The following LPL variants were observed in gnomAD, a reference collection of about 807,000 sequenced individuals.
The protein encoded by LPL is phospholipase A1.
Under a neutral mutation model 52.2 loss-of-function variants are expected in LPL, and 43 were observed. The ratio of observed to expected loss-of-function variants is 0.82; its 90% confidence interval spans 0.64 to 1.06. The LOEUF is 1.06. Ranked by LOEUF, LPL falls within the 50% of genes least tolerant of loss-of-function variation. The pLI is 0.00. For synonymous variants in LPL, 244 were observed against 215.6 expected (o/e 1.13, Z -1.15); for missense variants, 639 against 585.3 (o/e 1.09, Z -0.95).
chr8:19,948,085 C>T, intron 1 of LPL, 95 bp from the exon 2 acceptor site: 1 of 1,293,652 alleles, frequency 7.7e-7, no homozygotes. Context: ...AAAATAGCAT[C>T]AGCGGTGGTT....
chr8:19,954,043 A>G (rs2069960474), intron 4 of LPL, 77 bp from the exon 5 acceptor site: 2 of 992,098 alleles, frequency 2.0e-6, no homozygotes, highest in Admixed American at 1.7e-5. Context: ...AGTGCATTCA[A>G]ATGATGAGCA....
Position 19,961,632 on chromosome 8 carries a change from C to CT in LPL, c.1323-482dup, listed in dbSNP as rs1278551644. Among the ~76,000 whole-genome samples, 4 of 151,874 alleles carry CT rather than the reference C, an allele frequency of 2.6e-5. No individual in the cohort carries two copies. In the South Asian group the frequency reaches 6.2e-4, roughly 24 times the overall value. On this transcript the variant is annotated intron_variant, in intron 8 of 9. Coordinates refer to ENST00000650287, the MANE Select transcript of LPL (RefSeq NM_000237.3). ...CTGTTATTGTTAATTTAAAAAAACT[C>CT]TAAGTTAGGATTGACAAATTATTTC...
chr8:19,943,628 T>C (rs2069859231), intron 1 of LPL, among the ~76,000 whole-genome samples: 1 of 152,206 alleles, frequency 6.6e-6, no homozygotes, highest in African/African-American at 2.4e-5. Context: ...TAAAAAATCT[T>C]GACTGAAATA....
At chr8:19,956,687 C>T (rs1026105065) in intron 6 of LPL, among the ~76,000 whole-genome samples, 1 of 152,154 alleles carries the variant, frequency 6.6e-6, no homozygotes, top group African/African-American at 2.4e-5. Context: ...CAGCCACACA[C>T]ATTCATTACC....
chr8:19,965,630 A>C lies in LPL; in HGVS notation c.*320A>C, dbSNP rs1288128070. On this transcript the variant is annotated 3_prime_UTR_variant, in exon 10 of 10. Transcript: ENST00000650287. ...GCGCAGAGTAAAATAAGGCTCCTTC[A>C]TGTGGCGTATTGGGCCATAGCCTAT... The C allele has an allele frequency of 3.2e-6, 1 of 317,052 alleles. No individual in the cohort carries two copies. Among genetic ancestry groups the C allele is most frequent in the Non-Finnish European group, 5.8e-6 (1 of 172,060 alleles). 19.6% of individuals were successfully genotyped at this position (317,052 alleles called of 1,614,324 possible). A position where few individuals can be genotyped will look rare whatever the true frequency, so the allele number is the denominator to read the frequency against.
intron 6 of LPL, among the ~76,000 whole-genome samples, chr8:19,957,196 GT>G (rs2069993226): frequency 6.6e-6 from 1 of 152,170 alleles, no homozygotes; most frequent in Non-Finnish European, 1.5e-5. Context: ...TTGGCCTCTT[GT>G]TTAGAGGCAG....
chr8:19,955,930 T>TACA lies in LPL; in HGVS notation c.866_868dup (p.Tyr289_Arg290insAsn). 1 of 1,614,178 alleles carries TACA rather than the reference T, an allele frequency of 6.2e-7. No homozygotes were observed. The highest frequency in any genetic ancestry group is 8.5e-7 in the Non-Finnish European group (1 of 1,180,034). On this transcript the variant is annotated inframe_insertion, in exon 6 of 10. Transcript: ENST00000650287. ...GAATGAAGAAAATCCAAGTAAGGCC[T>TACA]ACAGGTGCAGTTCCAAGGAAGCCTT...
chr8:19,946,353 T>C (rs887895818), intron 1 of LPL, among the ~76,000 whole-genome samples: 2 of 152,154 alleles, frequency 1.3e-5, no homozygotes, highest in African/African-American at 4.8e-5. Context: ...TGTGTGTGTA[T>C]GTGTGTGTGA....
intron 6 of LPL, among the ~76,000 whole-genome samples, chr8:19,957,515 C>G (rs282): frequency 0.1 from 15,201 of 152,178 alleles, 937 homozygotes; most frequent in Non-Finnish European, 0.14. Context: ...CTTGAAGACA[C>G]AGACAGGCTT....
At chr8:19,951,714 A>G (rs1046162298) in intron 2 of LPL, 55 bp from the exon 3 acceptor site, 95 of 1,591,910 alleles carry the variant, frequency 6.0e-5, no homozygotes, top group Middle Eastern at 1.7e-4. Flanking sequence ...GGGCTGATGT[A>G]TCTATGACAA....
rs1376148269 is a variant in LPL, at chr8:19,939,485, CCA to C, written c.46_47del (p.Gln16GlufsTer24). The C allele has an allele frequency of 7.4e-6, 12 of 1,611,046 alleles. No homozygotes were observed. Among genetic ancestry groups the C allele is most frequent in the Non-Finnish European group, 1.0e-5 (12 of 1,179,218 alleles). The stretch of plus-strand genomic sequence containing the variant: ...TCGTGCTGACTCTGGCCGTGTGGCT[CCA>C]GAGTCTGACCGCCTCCCGCGGAGGG... ...LLVLTLAVWL[Q>X]SLTASRGGVA... is the part of the protein sequence containing the mutation. On this transcript the variant is annotated frameshift_variant, in exon 1 of 10. Coordinates refer to ENST00000650287, the MANE Select transcript of LPL (RefSeq NM_000237.3). LOFTEE classifies it high-confidence loss of function. The surrounding 1 kb of genome is among the most constrained non-coding windows in gnomAD (Gnocchi z 4.0).
At chr8:19,960,612 GA>G (rs1394609514) in intron 7 of LPL, among the ~76,000 whole-genome samples, 4 of 152,164 alleles carry the variant, frequency 2.6e-5, no homozygotes, top group Non-Finnish European at 5.9e-5. Context: ...AATTGAAAAG[GA>G]ATACATGAAA....
intron 1 of LPL, among the ~76,000 whole-genome samples, chr8:19,941,049 C>A (rs1479224542): frequency 6.6e-6 from 1 of 152,126 alleles, no homozygotes; most frequent in African/African-American, 2.4e-5. Context: ...CTGTGATTGC[C>A]CCACTGCACT....
chr8:19,964,538 T>C (rs1036551015), intron 9 of LPL, among the ~76,000 whole-genome samples: 5 of 152,196 alleles, frequency 3.3e-5, no homozygotes, highest in African/African-American at 9.7e-5. Context: ...TTTTTTACTT[T>C]TATTTATTTT....
rs1440066136 is a variant in LPL, at chr8:19,962,050, G to A, written c.1323-65G>A. The A allele has an allele frequency of 6.5e-6, 7 of 1,070,158 alleles. No individual in the cohort carries two copies. The African/African-American group carries it at 1.1e-4, about 17-fold the overall frequency. The allele number at this position is 1,070,158 out of a possible 1,614,324, so 66.3% of individuals were successfully genotyped here. A position where few individuals can be genotyped will look rare whatever the true frequency, so the allele number is the denominator to read the frequency against. ...TTATTTAAACAGTCCTGACAGAACT[G>A]TACCTTTGTGAACAGTGCTTTTGAT... On this transcript the variant is annotated intron_variant, in intron 8 of 9. Coordinates refer to ENST00000650287, the MANE Select transcript of LPL (RefSeq NM_000237.3).
In LPL at chr8:19,950,879, G is replaced by A. The variant is rs1200459411; in HGVS notation, c.250-890G>A. Among the ~76,000 whole-genome samples, 2 of 127,562 alleles carry A rather than the reference G, an allele frequency of 1.6e-5. No homozygotes were observed. The highest frequency in any genetic ancestry group is 6.1e-5 in the African/African-American group (2 of 32,970). The allele number at this position is 127,562 out of a possible 152,430, so 83.7% of individuals were successfully genotyped here. ...GGAAGGAGGAAGGGAAGGAGGGAGG[G>A]AGGAAGGAAGGAAGGAATGAAGGAA... On this transcript the variant is annotated intron_variant, in intron 2 of 9. Transcript: ENST00000650287. This position sits in a 1 kb window ranked among gnomAD's most constrained non-coding sequence, Gnocchi z 4.2.
At chr8:19,953,040 T>C (rs1029348161) in intron 3 of LPL, among the ~76,000 whole-genome samples, 1 of 152,164 alleles carries the variant, frequency 6.6e-6, no homozygotes, top group African/African-American at 2.4e-5. Context: ...CTATTTCAGA[T>C]GCATGGAAAA....
chr8:19,945,355 C>G (rs1261696120), intron 1 of LPL, among the ~76,000 whole-genome samples: 1 of 152,018 alleles, frequency 6.6e-6, no homozygotes. Flanking sequence ...TCAGAACATC[C>G]AAGAAAAGGA....
At position 19,955,958 on chromosome 8, in the gene LPL, A is replaced by G; in HGVS notation, c.893A>G (p.Glu298Gly). 1 of 1,614,180 alleles carries G rather than the reference A, an allele frequency of 6.2e-7. No homozygotes were observed. Among genetic ancestry groups the G allele is most frequent in the East Asian group, 2.2e-5 (1 of 44,870 alleles). The change falls in exon 6 of 10, where the codon GAG (glutamate) becomes GGG (glycine). Residue 298 changes from glutamate (E) to glycine (G), a missense_variant. Glu to Gly is a moderately conservative substitution (Grantham distance 98, BLOSUM62 -2). Transcript: ENST00000650287. ...AYRCSSKEAFEKGLCLSCRKN... is the reference protein window; with the variant it reads ...AYRCSSKEAFGKGLCLSCRKN... The stretch of plus-strand genomic sequence containing the variant: ...AGGTGCAGTTCCAAGGAAGCCTTTG[A>G]GAAAGGGCTCTGCTTGAGTTGTAGA...
Sources: gnomAD v4.1 joint callset for allele counts (sites outside exome capture counted in the v4.1 genomes callset) on GRCh38, gnomAD v4.1.1 for gene constraint, Gnocchi (gnomAD v3.1) non-coding constraint, MANE v1.5 for transcripts, NCBI Gene and HGNC (gene_info 2026-07-23, HGNC 2026-07-21) for gene names.